OSBPL1A: variants seen among roughly 807,000 people sequenced by gnomAD.
OSBPL1A encodes the protein oxysterol binding protein like 1A, also known as oxysterol-binding protein-related protein 1.
OSBPL1A carries 80 observed loss-of-function variants against 137.1 expected under a neutral mutation model. That is an observed-to-expected ratio of 0.58 (90% CI 0.49 to 0.70). The LOEUF is 0.70. OSBPL1A is among the 30% of genes least tolerant of loss of function. The probability of loss-of-function intolerance (pLI) is 0.00; values close to 1 mark genes in which losing one functional copy is unlikely to be tolerated. For missense variants in OSBPL1A, 970 were observed against 1,129.4 expected, an observed-to-expected ratio of 0.86 and a Z score of 2.02; for synonymous variants, 365 against 389.7, an observed-to-expected ratio of 0.94 and a Z score of 0.75.
At chr18:24,332,661 T>G (rs781693224) in intron 7 of OSBPL1A, among the ~76,000 whole-genome samples, 1 of 151,894 alleles carries the variant, frequency 6.6e-6, no homozygotes, top group Non-Finnish European at 1.5e-5. Context: ...TATTTTCCCC[T>G]AGGAACAATA....
At chr18:24,250,174 G>GTTTTTTTTTTTTTTTTTTTTTTT (rs1233264916) in intron 15 of OSBPL1A, among the ~76,000 whole-genome samples, 2 of 75,352 alleles carry the variant, frequency 2.7e-5, no homozygotes, top group Non-Finnish European at 2.6e-5. Context: ...TTGTTTGTTT[G>GTTTTTTTTTTTTTTTTTTTTTTT]TTTGTTTGTT....
intron 6 of OSBPL1A, 118 bp from the exon 7 acceptor site, chr18:24,333,204 G>A: frequency 4.4e-6 from 5 of 1,134,416 alleles, no homozygotes; most frequent in Non-Finnish European, 5.0e-6. Flanking sequence ...TGGCATCCAG[G>A]CTGTTAGTGG....
chr18:24,245,841 T>A (rs2088864085), intron 15 of OSBPL1A, among the ~76,000 whole-genome samples: 1 of 152,228 alleles, frequency 6.6e-6, no homozygotes, highest in Non-Finnish European at 1.5e-5. Flanking sequence ...CCTTTTCAAA[T>A]GCAATTGATT....
intron 17 of OSBPL1A, among the ~76,000 whole-genome samples, chr18:24,207,541 CTTAA>C (rs1438434973): frequency 1.3e-5 from 2 of 152,120 alleles, no homozygotes; most frequent in Non-Finnish European, 2.9e-5. Context: ...TGAGAAACAA[CTTAA>C]TTCTTACCTC....
At position 24,196,114 on chromosome 18, in the gene OSBPL1A, C is replaced by G; in HGVS notation, c.1677+11G>C. On this transcript the variant is annotated intron_variant, in intron 18 of 27. Coordinates refer to ENST00000319481, the MANE Select transcript of OSBPL1A (RefSeq NM_080597.4). Reference sequence around the variant, plus strand: ...TCTGCTTAATATCATATGACAAAACCATTAATTTACCATTCCAATACATTT... The same window carrying G: ...TCTGCTTAATATCATATGACAAAACGATTAATTTACCATTCCAATACATTT... 1 of 1,596,190 alleles carries G rather than the reference C, an allele frequency of 6.3e-7. No individual in the cohort carries two copies. Among genetic ancestry groups the G allele is most frequent in the Non-Finnish European group, 8.6e-7 (1 of 1,166,226 alleles).
At chr18:24,299,776 T>G (rs939389610) in intron 14 of OSBPL1A, among the ~76,000 whole-genome samples, 1 of 152,214 alleles carries the variant, frequency 6.6e-6, no homozygotes, top group Non-Finnish European at 1.5e-5. Flanking sequence ...ACTATACACA[T>G]TTAGTAACAT....
At chr18:24,358,376 G>A (rs949380234) in intron 4 of OSBPL1A, 4 of 672,912 alleles carry the variant, frequency 5.9e-6, no homozygotes, top group African/African-American at 1.8e-5. Flanking sequence ...CTGAGGCATC[G>A]CTTGAGCCGG....
At chr18:24,349,086 GA>G (rs2091395519) in intron 4 of OSBPL1A, among the ~76,000 whole-genome samples, 1 of 152,062 alleles carries the variant, frequency 6.6e-6, no homozygotes, top group Admixed American at 6.6e-5. Flanking sequence ...AGGTTCACTT[GA>G]GCCCAGGAGG....
chr18:24,194,339 T>C (rs1411128502), intron 18 of OSBPL1A, among the ~76,000 whole-genome samples: 3 of 152,248 alleles, frequency 2.0e-5, no homozygotes, highest in African/African-American at 7.2e-5. Flanking sequence ...TACTTTAATA[T>C]AATAGAAAAT....
chr18:24,356,954 T>C (rs1568050033), intron 4 of OSBPL1A, among the ~76,000 whole-genome samples: 1 of 152,104 alleles, frequency 6.6e-6, no homozygotes, highest in Non-Finnish European at 1.5e-5. Context: ...ATAGGGCAAA[T>C]GTACCTTTTC....
chr18:24,224,961 A>G (rs1303025039), intron 17 of OSBPL1A, 81 bp downstream of exon 17: 1 of 1,553,462 alleles, frequency 6.4e-7, no homozygotes, highest in Non-Finnish European at 8.8e-7. Context: ...AAAAATGAAG[A>G]CAAGACATAT....
intron 21 of OSBPL1A, among the ~76,000 whole-genome samples, chr18:24,175,104 GTATGTATATATATA>G (rs1194666798): frequency 3.3e-4 from 14 of 42,720 alleles, no homozygotes; most frequent in African/African-American, 1.1e-3. Context: ...TTTGCCATGT[GTATGTATATATATA>G]TATATATATA....
intron 18 of OSBPL1A, among the ~76,000 whole-genome samples, chr18:24,183,417 ATTTTTCTTTTTC>A (rs201016070): frequency 6.7e-6 from 1 of 149,638 alleles, no homozygotes; most frequent in Non-Finnish European, 1.5e-5. Flanking sequence ...ACACAGAGAG[ATTTTTCTTTTTC>A]TTTTTCTTTT....
At chr18:24,185,046 G>C (rs1011291062) in intron 18 of OSBPL1A, among the ~76,000 whole-genome samples, 6 of 152,192 alleles carry the variant, frequency 3.9e-5, no homozygotes, top group Admixed American at 3.9e-4. Flanking sequence ...AGGAAACTTA[G>C]ATGCCTATTA....
intron 7 of OSBPL1A, among the ~76,000 whole-genome samples, chr18:24,327,870 A>C (rs1014888854): frequency 5.9e-5 from 9 of 151,870 alleles, no homozygotes; most frequent in Non-Finnish European, 1.0e-4. Context: ...TTACAAGGGA[A>C]GTTTTTTTTT....
At chr18:24,387,687 T>C (rs934281735) in intron 1 of OSBPL1A, among the ~76,000 whole-genome samples, 2 of 152,062 alleles carry the variant, frequency 1.3e-5, no homozygotes, top group African/African-American at 4.8e-5. Context: ...GCACTGGGAT[T>C]ACAGGCATGC....
At chr18:24,219,260 T>G (rs1235733854) in intron 17 of OSBPL1A, among the ~76,000 whole-genome samples, 1 of 152,108 alleles carries the variant, frequency 6.6e-6, no homozygotes, top group African/African-American at 2.4e-5. Context: ...ACCACTGCAC[T>G]CCAGCCTGGG....
In OSBPL1A at chr18:24,173,522, C is replaced by T. The variant is rs944841792; in HGVS notation, c.2094-1039G>A. On this transcript the variant is annotated intron_variant, in intron 21 of 27. Transcript: ENST00000319481. ...TCACCTCCCGGGTTCAAGTGATTCT[C>T]GGGCCTCAGCCTCCCGAGGAGCTGG... Among the ~76,000 whole-genome samples the T allele has an allele frequency of 7.2e-5, 11 of 152,256 alleles. No homozygotes were observed. In the East Asian group the frequency reaches 1.9e-3, roughly 27 times the overall value.
intron 5 of OSBPL1A, among the ~76,000 whole-genome samples, chr18:24,339,776 G>C (rs528421380): frequency 1.1e-3 from 161 of 152,324 alleles, no homozygotes; most frequent in Non-Finnish European, 1.5e-3. Context: ...GTGTCTGATA[G>C]AAGATGTTAT....
Sources: gnomAD v4.1 joint callset for allele counts (sites outside exome capture counted in the v4.1 genomes callset) on GRCh38, gnomAD v4.1.1 for gene constraint, MANE v1.5 for transcripts, NCBI Gene and HGNC (gene_info 2026-07-23, HGNC 2026-07-21) for gene names.